The following RNF2 variants were observed in gnomAD, a reference collection of about 807,000 sequenced individuals.
RNF2 encodes the protein E3 ubiquitin-protein ligase RING2.
A neutral mutation model predicts 37.2 loss-of-function variants in RNF2; 6 were observed. That is an observed-to-expected ratio of 0.16 (90% CI 0.09 to 0.32). The LOEUF is 0.32. RNF2 is among the 10% of genes least tolerant of loss of function. RNF2 has a pLI of 1.00. For synonymous variants in RNF2, 133 were observed against 132.7 expected (o/e 1.00, Z -0.02); for missense variants, 251 against 404.0 (o/e 0.62, Z 3.25).
chr1:185,058,851 C>T (rs1650515663), intron 1 of RNF2, among the ~76,000 whole-genome samples: 1 of 152,132 alleles, frequency 6.6e-6, no homozygotes, highest in Non-Finnish European at 1.5e-5. Flanking sequence ...AAAACGTGCT[C>T]ATTTTATAGA....
intron 1 of RNF2, among the ~76,000 whole-genome samples, chr1:185,058,531 A>G (rs1571296939): frequency 6.6e-6 from 1 of 152,318 alleles, no homozygotes; most frequent in Middle Eastern, 3.4e-3. Flanking sequence ...AAAACTGTAA[A>G]AAGTATTTGA....
intron 1 of RNF2, among the ~76,000 whole-genome samples, chr1:185,075,982 T>C (rs1651138922): frequency 6.6e-6 from 1 of 152,200 alleles, no homozygotes; most frequent in African/African-American, 2.4e-5. Context: ...ATTTTATTGG[T>C]TATGTATTGT....
intron 5 of RNF2, 41 bp downstream of exon 5, chr1:185,098,385 T>C: frequency 1.3e-6 from 2 of 1,593,920 alleles, no homozygotes; most frequent in Non-Finnish European, 1.7e-6. Flanking sequence ...AAATTCAGAA[T>C]GTTTAATTTG....
At position 185,100,782 on chromosome 1, in the gene RNF2, T is replaced by A. The variant is rs1471222144; in HGVS notation, c.*481T>A. On this transcript the variant is annotated 3_prime_UTR_variant, in exon 7 of 7. Transcript: ENST00000367510. ...TAGTATCTTCATGAAGACCCAAGGCTCAAATTTACTGTCCTTAAAAACAAT... is the reference window on the plus strand; with the variant it reads ...TAGTATCTTCATGAAGACCCAAGGCACAAATTTACTGTCCTTAAAAACAAT... 1 of 152,488 alleles carries A rather than the reference T, an allele frequency of 6.6e-6. No homozygotes were observed. Among genetic ancestry groups the A allele is most frequent in the Non-Finnish European group, 1.5e-5 (1 of 67,972 alleles). 9.4% of individuals were successfully genotyped at this position (152,488 alleles called of 1,614,324 possible). A position where few individuals can be genotyped will look rare whatever the true frequency, so the allele number is the denominator to read the frequency against.
chr1:185,061,837 A>G (rs1395851189), intron 1 of RNF2, among the ~76,000 whole-genome samples: 1 of 152,218 alleles, frequency 6.6e-6, no homozygotes, highest in Non-Finnish European at 1.5e-5. Flanking sequence ...TTTGATCCAC[A>G]GAATATTACA....
intron 1 of RNF2, among the ~76,000 whole-genome samples, chr1:185,063,789 G>A (rs1394621798): frequency 1.3e-5 from 2 of 152,110 alleles, no homozygotes; most frequent in Non-Finnish European, 2.9e-5. Context: ...CTAATTTGCA[G>A]CCCCTTCTTC....
intron 1 of RNF2, among the ~76,000 whole-genome samples, chr1:185,069,855 A>G (rs1286069626): frequency 2.6e-5 from 4 of 152,204 alleles, no homozygotes; most frequent in African/African-American, 9.6e-5. Context: ...GATTACTAAC[A>G]GTTGACAACT....
chr1:185,097,639 TCCTCCTGTCTCAG>T (rs1651949654), intron 4 of RNF2, among the ~76,000 whole-genome samples: 1 of 152,222 alleles, frequency 6.6e-6, no homozygotes, highest in South Asian at 2.1e-4. Flanking sequence ...GCTCAAGCCA[TCCTCCTGTCTCAG>T]CCTCCTGAGT....
Position 185,059,845 on chromosome 1 carries a change from C to T in RNF2, c.-3+14196C>T, listed in dbSNP as rs74675570. Among the ~76,000 whole-genome samples the T allele has an allele frequency of 4.2e-3, 637 of 152,262 alleles. 8 individuals are homozygous for T. The highest frequency in any genetic ancestry group is 0.014 in the African/African-American group (590 of 41,550). On this transcript the variant is annotated intron_variant, in intron 1 of 6. Coordinates refer to ENST00000367510, the MANE Select transcript of RNF2 (RefSeq NM_007212.4). ...GGTTTTTGAATGGGTTATTCCAGTT[C>T]CTGTTAGAAGAGTGTAGAGGTATTA...
At chr1:185,057,758 G>A (rs1269264308) in intron 1 of RNF2, among the ~76,000 whole-genome samples, 4 of 151,204 alleles carry the variant, frequency 2.6e-5, no homozygotes, top group Non-Finnish European at 4.4e-5. Flanking sequence ...CCATGGTTTC[G>A]TATCCTTGGA....
rs1652046823 is a variant in RNF2 at position 185,100,477 on chromosome 1, G to A, written c.*176G>A. ...CCCCTTTATTTAAGATTTCCTTTTTGGAAGGGACTGCAATTATTCAGTATT... is the reference window on the plus strand; with the variant it reads ...CCCCTTTATTTAAGATTTCCTTTTTAGAAGGGACTGCAATTATTCAGTATT... On this transcript the variant is annotated 3_prime_UTR_variant, in exon 7 of 7. Transcript: ENST00000367510. The A allele has an allele frequency of 2.4e-6, 1 of 410,004 alleles. No homozygotes were observed. Among genetic ancestry groups the A allele is most frequent in the African/African-American group, 2.1e-5 (1 of 48,258 alleles). 25.4% of individuals were successfully genotyped at this position (410,004 alleles called of 1,614,324 possible).
intron 1 of RNF2, among the ~76,000 whole-genome samples, chr1:185,055,081 C>T (rs1650394714): frequency 6.6e-6 from 1 of 152,216 alleles, no homozygotes. Flanking sequence ...AGGAACAAAA[C>T]TATCACTTTG....
chr1:185,054,653 C>T (rs537384377), intron 1 of RNF2, among the ~76,000 whole-genome samples: 2 of 152,010 alleles, frequency 1.3e-5, no homozygotes, highest in African/African-American at 2.4e-5. Context: ...ATTGACATGT[C>T]GCCTCAGTTT....
chr1:185,094,475 G>T (rs891377888), intron 4 of RNF2, among the ~76,000 whole-genome samples: 2 of 151,976 alleles, frequency 1.3e-5, no homozygotes, highest in African/African-American at 4.8e-5. Flanking sequence ...TACACATCCT[G>T]TATTCCAGTC....
rs371934419 is a variant in RNF2, at chr1:185,070,837, C to T, written c.-2-16715C>T. Among the ~76,000 whole-genome samples the T allele has an allele frequency of 2.2e-4, 33 of 152,050 alleles. 1 individual carries two copies. Among genetic ancestry groups the T allele is most frequent in the Admixed American group, 2.0e-3 (31 of 15,290 alleles). ...ATTTTTAGTAGAGACTGGGTTTCAC[C>T]GTATTAGCCGGGATGGTCTCGATTT... On this transcript the variant is annotated intron_variant, in intron 1 of 6. Transcript: ENST00000367510.
At chr1:185,077,684 T>C (rs1184429763) in intron 1 of RNF2, among the ~76,000 whole-genome samples, 1 of 144,074 alleles carries the variant, frequency 6.9e-6, no homozygotes, top group Non-Finnish European at 1.5e-5. Flanking sequence ...ACAACTAAAT[T>C]GTACTTTCAT....
chr1:185,100,394 G>A lies in RNF2; in HGVS notation c.*93G>A. 1.4e-6 allele frequency: 1 copy of A among 708,354 alleles called. No individual in the cohort carries two copies. 43.9% of individuals were successfully genotyped at this position (708,354 alleles called of 1,614,324 possible). On this transcript the variant is annotated 3_prime_UTR_variant, in exon 7 of 7. Transcript: ENST00000367510. ...GGCATTACTTTTATGGACAGATCTT[G>A]GATATGTTGTTCAATTTTCTTTCTG...
chr1:185,094,418 G>A (rs1193945630), intron 4 of RNF2, among the ~76,000 whole-genome samples: 2 of 152,048 alleles, frequency 1.3e-5, no homozygotes, highest in African/African-American at 2.4e-5. Context: ...TGAGATTACA[G>A]GTGTGATCCA....
intron 1 of RNF2, among the ~76,000 whole-genome samples, chr1:185,074,966 C>T (rs565173806): frequency 2.7e-4 from 41 of 151,960 alleles, no homozygotes; most frequent in Non-Finnish European, 4.3e-4. Context: ...TACTGAGGGA[C>T]GACTATATAT....
Sources: allele counts gnomAD v4.1 joint callset (sites outside exome capture counted in the v4.1 genomes callset), GRCh38; gene constraint gnomAD v4.1.1; transcripts MANE v1.5; gene names NCBI Gene and HGNC (gene_info 2026-07-23, HGNC 2026-07-21).